Variants in HTR7 observed in about 807,000 individuals in gnomAD.
HTR7 encodes 5-HT-7.
A neutral mutation model predicts 34.0 loss-of-function variants in HTR7; 16 were observed. The ratio of observed to expected loss-of-function variants is 0.47; its 90% confidence interval spans 0.32 to 0.71. The LOEUF is 0.71. HTR7 is among the 30% of genes least tolerant of loss of function. The pLI is 0.04. For synonymous variants in HTR7, 265 were observed against 260.2 expected (o/e 1.02, Z -0.18); for missense variants, 504 against 625.5 (o/e 0.81, Z 2.07).
At chr10:90,812,727 TACC>T (rs1845833653) in intron 1 of HTR7, among the ~76,000 whole-genome samples, 1 of 152,102 alleles carries the variant, frequency 6.6e-6, no homozygotes, top group Non-Finnish European at 1.5e-5. Context: ...TCTCTCTCCA[TACC>T]ACCCCCCAAA....
intron 1 of HTR7, among the ~76,000 whole-genome samples, chr10:90,774,684 T>C (rs1230405519): frequency 6.6e-6 from 1 of 152,200 alleles, no homozygotes; most frequent in East Asian, 1.9e-4. Flanking sequence ...TCCTTCCATC[T>C]TTTTACTCTG....
chr10:90,834,384 C>G (rs538776772), intron 1 of HTR7, among the ~76,000 whole-genome samples: 16 of 151,418 alleles, frequency 1.1e-4, no homozygotes, highest in Non-Finnish European at 1.5e-5. Flanking sequence ...AACATAAATT[C>G]GGGGGGTGGG....
In HTR7 at chr10:90,757,631, A is replaced by G. The variant is rs532606638; in HGVS notation, c.540-8037T>C. On this transcript the variant is annotated intron_variant, in intron 1 of 3. Coordinates refer to ENST00000336152, the MANE Select transcript of HTR7 (RefSeq NM_019859.4). Reference sequence around the variant, plus strand: ...ACTAGCCTAAAAAGAGAAAAATAGCATATCAAATAAGGCAGAATATCGATG... The same window carrying G: ...ACTAGCCTAAAAAGAGAAAAATAGCGTATCAAATAAGGCAGAATATCGATG... Among the ~76,000 whole-genome samples, 42 of 152,362 alleles carry G rather than the reference A, an allele frequency of 2.8e-4. No individual in the cohort carries two copies. The East Asian group carries it at 2.9e-3, about 10-fold the overall frequency.
At chr10:90,786,461 A>G (rs1013797731) in intron 1 of HTR7, among the ~76,000 whole-genome samples, 10 of 152,210 alleles carry the variant, frequency 6.6e-5, no homozygotes, top group African/African-American at 2.2e-4. Context: ...TTTGTTCCTA[A>G]TATCTAAGAA....
chr10:90,749,796 T>C lies in HTR7; in HGVS notation c.540-202A>G, dbSNP rs1370699341. Reference sequence around the variant, plus strand: ...CGGGTCACACAGAGGCATTGCCAGATTGTAGCCTGAGAGCCCTCTGACTCT... The same window carrying C: ...CGGGTCACACAGAGGCATTGCCAGACTGTAGCCTGAGAGCCCTCTGACTCT... On this transcript the variant is annotated intron_variant, in intron 1 of 3. Coordinates refer to ENST00000336152, the MANE Select transcript of HTR7 (RefSeq NM_019859.4). The surrounding 1 kb of genome is among the most constrained non-coding windows in gnomAD (Gnocchi z 4.2). Among the ~76,000 whole-genome samples the C allele has an allele frequency of 1.3e-5, 2 of 152,218 alleles. No homozygotes were observed. The highest frequency in any genetic ancestry group is 2.9e-5 in the Non-Finnish European group (2 of 68,036).
chr10:90,742,552 A>G (rs1169304778), intron 3 of HTR7, 24 bp from the exon 4 acceptor site: 1 of 1,515,854 alleles, frequency 6.6e-7, no homozygotes, highest in Non-Finnish European at 9.1e-7. Flanking sequence ...AGAGAAAAAT[A>G]GAAAATAATT....
chr10:90,751,560 G>A (rs1316538391), intron 1 of HTR7, among the ~76,000 whole-genome samples: 1 of 152,284 alleles, frequency 6.6e-6, no homozygotes, highest in East Asian at 1.9e-4. Flanking sequence ...CCAGCAGGTA[G>A]AGGTTACTTT....
intron 1 of HTR7, among the ~76,000 whole-genome samples, chr10:90,804,116 T>G (rs1351817339): frequency 6.6e-6 from 1 of 152,076 alleles, no homozygotes; most frequent in Non-Finnish European, 1.5e-5. Flanking sequence ...AGATGCAGCT[T>G]AACTTCAGAA....
intron 1 of HTR7, among the ~76,000 whole-genome samples, chr10:90,792,228 G>C (rs935506914): frequency 1.3e-5 from 2 of 152,068 alleles, no homozygotes; most frequent in Non-Finnish European, 2.9e-5. Flanking sequence ...AGGCAAAGTA[G>C]TGCGAGTTAA....
intron 2 of HTR7, among the ~76,000 whole-genome samples, chr10:90,746,930 C>A (rs1343674099): frequency 6.6e-6 from 1 of 152,194 alleles, no homozygotes; most frequent in South Asian, 2.1e-4. Context: ...AGTAACAATT[C>A]ATTCTCATTG....
In HTR7 at chr10:90,808,102, C is replaced by A. The variant is rs111391725; in HGVS notation, c.539+49031G>T. Among the ~76,000 whole-genome samples, 5 of 152,118 alleles carry A rather than the reference C, an allele frequency of 3.3e-5. No individual in the cohort carries two copies. The East Asian group carries it at 5.8e-4, about 18-fold the overall frequency. ...CCTTGGTGTTTAATAATTGCAGATACGCCTCTCTGATTATTCACCCACGTT... is the reference window on the plus strand; with the variant it reads ...CCTTGGTGTTTAATAATTGCAGATAAGCCTCTCTGATTATTCACCCACGTT... On this transcript the variant is annotated intron_variant, in intron 1 of 3. Transcript: ENST00000336152.
At chr10:90,784,035 T>C (rs1485147317) in intron 1 of HTR7, among the ~76,000 whole-genome samples, 1 of 152,232 alleles carries the variant, frequency 6.6e-6, no homozygotes, top group African/African-American at 2.4e-5. Flanking sequence ...ATTAATTACA[T>C]TCTTACTAAA....
At position 90,807,403 on chromosome 10, in the gene HTR7, A is replaced by G. The variant is rs537279497; in HGVS notation, c.539+49730T>C. On this transcript the variant is annotated intron_variant, in intron 1 of 3. Coordinates refer to ENST00000336152, the MANE Select transcript of HTR7 (RefSeq NM_019859.4). ...AAAAGAAGTGAATATGCCCTGCCTC[A>G]CCTCAACTGATGACATTCCACCACA... Among the ~76,000 whole-genome samples, 1,065 of 152,122 alleles carry G rather than the reference A, an allele frequency of 7.0e-3. 15 individuals carry two copies. Among genetic ancestry groups the G allele is most frequent in the African/African-American group, 0.024 (984 of 41,430 alleles).
At position 90,831,872 on chromosome 10, in the gene HTR7, C is replaced by T. The variant is rs576650091; in HGVS notation, c.539+25261G>A. ...ATCCCTTGAGTTAGATACAGAGTGT[C>T]GATTGGTGCATTCACAATCCCTTAG... On this transcript the variant is annotated intron_variant, in intron 1 of 3. Coordinates refer to ENST00000336152, the MANE Select transcript of HTR7 (RefSeq NM_019859.4). Among the ~76,000 whole-genome samples the T allele has an allele frequency of 1.4e-3, 206 of 151,968 alleles. 1 individual carries two copies. The highest frequency in any genetic ancestry group is 2.5e-3 in the Non-Finnish European group (173 of 67,984).
At chr10:90,746,293 AT>A (rs1844633033) in intron 2 of HTR7, among the ~76,000 whole-genome samples, 1 of 152,230 alleles carries the variant, frequency 6.6e-6, no homozygotes, top group Non-Finnish European at 1.5e-5. Context: ...TTTGTGCTAC[AT>A]TTTAAAGATT....
intron 1 of HTR7, among the ~76,000 whole-genome samples, chr10:90,752,609 T>C (rs535442540): frequency 6.6e-6 from 1 of 151,808 alleles, no homozygotes; most frequent in South Asian, 2.1e-4. Flanking sequence ...GGGATACTTA[T>C]CCCATTAAAA....
chr10:90,839,366 C>A (rs1284469251), intron 1 of HTR7, among the ~76,000 whole-genome samples: 2 of 152,120 alleles, frequency 1.3e-5, no homozygotes, highest in East Asian at 1.9e-4. Context: ...TTGGAGCATG[C>A]CTTTTAAGTC....
chr10:90,802,620 C>A (rs1418214), intron 1 of HTR7, among the ~76,000 whole-genome samples: 39,518 of 152,162 alleles, frequency 0.26, 5,450 homozygotes, highest in African/African-American at 0.35. Flanking sequence ...TTAAAAGAAT[C>A]CGTAATAGCG....
intron 1 of HTR7, among the ~76,000 whole-genome samples, chr10:90,851,900 G>T (rs1846506288): frequency 6.6e-6 from 1 of 152,162 alleles, no homozygotes; most frequent in African/African-American, 2.4e-5. Context: ...CTTGCCTGCT[G>T]CCATGAAAGA....
Sources: gnomAD v4.1 joint callset for allele counts (sites outside exome capture counted in the v4.1 genomes callset) on GRCh38, gnomAD v4.1.1 for gene constraint, Gnocchi (gnomAD v3.1) non-coding constraint, MANE v1.5 for transcripts, NCBI Gene and HGNC (gene_info 2026-07-23, HGNC 2026-07-21) for gene names.